The following PRMT9 variants were observed in gnomAD, a reference collection of about 807,000 sequenced individuals.
PRMT9 encodes protein arginine methyltransferase 9, also known as protein arginine N-methyltransferase 9.
PRMT9 carries 59 observed loss-of-function variants against 83.2 expected under a neutral mutation model. That is an observed-to-expected ratio of 0.71 (90% CI 0.57 to 0.88). PRMT9 has a LOEUF of 0.88. Ranked by LOEUF, PRMT9 falls within the 40% of genes least tolerant of loss-of-function variation. PRMT9 has a pLI of 0.00. For synonymous variants in PRMT9, 333 were observed against 353.2 expected (o/e 0.94, Z 0.64); for missense variants, 947 against 1,021.9 (o/e 0.93, Z 1.00).
Position 147,650,972 on chromosome 4 carries a change from T to G in PRMT9, c.2045+2880A>C, listed in dbSNP as rs563182129. 3.2e-3 allele frequency among the ~76,000 whole-genome samples: 482 copies of G among 152,150 alleles called. 1 individual carries two copies. Among genetic ancestry groups the G allele is most frequent in the Non-Finnish European group, 5.4e-3 (370 of 67,966 alleles). ...AAAAAATTAGCCAGCTGTGGTGGCA[T>G]GCGCCTGTAGTCCCAGCTACTCGGG... On this transcript the variant is annotated intron_variant, in intron 9 of 11. Transcript: ENST00000322396.
chr4:147,676,199 A>G (rs1736058082), intron 2 of PRMT9, among the ~76,000 whole-genome samples: 1 of 152,210 alleles, frequency 6.6e-6, no homozygotes, highest in Non-Finnish European at 1.5e-5. Context: ...TCCTACAACA[A>G]CAGGTCACCA....
At chr4:147,665,003 C>T (rs1323764337) in intron 6 of PRMT9, among the ~76,000 whole-genome samples, 3 of 151,736 alleles carry the variant, frequency 2.0e-5, no homozygotes, top group African/African-American at 7.3e-5. Context: ...TGCCTGTAAT[C>T]CCAGCTACTT....
At chr4:147,642,741 G>A (rs756026384) in intron 10 of PRMT9, 46 bp downstream of exon 10, 1 of 1,517,028 alleles carries the variant, frequency 6.6e-7, no homozygotes, top group Non-Finnish European at 9.2e-7. Context: ...AGCGATGGTA[G>A]ACTGTTCAAC....
chr4:147,673,026 C>T lies in PRMT9; in HGVS notation c.676G>A (p.Glu226Lys), dbSNP rs73853975. The T allele has an allele frequency of 7.4e-3, 11,978 of 1,613,894 alleles. 797 individuals are homozygous for T. In the African/African-American group the frequency reaches 0.14, roughly 19 times the overall value. ...ACDVVAANKM[E>K]AGIKLLHTKS... ...GTATGTAAGAGTTTGATCCCTGCTT[C>T]CATCTTGTTTGCTGCCACGACATCA... Residue 226 changes from glutamate to lysine, a missense_variant, in exon 4 of 12, where the codon GAA (glutamate) becomes AAA (lysine). Glu to Lys is a moderately conservative substitution (Grantham distance 56, BLOSUM62 1). Transcript: ENST00000322396.
chr4:147,682,367 C>T (rs1578949867), intron 1 of PRMT9, among the ~76,000 whole-genome samples: 1 of 152,248 alleles, frequency 6.6e-6, no homozygotes, highest in African/African-American at 2.4e-5. Flanking sequence ...TTAGTAGAGA[C>T]GGGGTTTCTC....
Position 147,638,642 on chromosome 4 carries a change from T to C in PRMT9, c.2428A>G (p.Lys810Glu). The change falls in exon 12 of 12, where the codon AAA (lysine) becomes GAA (glutamate). Residue 810 changes from lysine to glutamate, a missense_variant. Coordinates refer to ENST00000322396, the MANE Select transcript of PRMT9 (RefSeq NM_138364.4). ...LDTSSEASHW[K>E]QAAVVLDNPI... ...TTATCTAAAACAACTGCAGCTTGTT[T>C]CCAGTGGGAGGCTTCACTTGAAGTA... is the stretch of plus-strand genomic sequence containing the variant. 6.2e-7 allele frequency: 1 copy of C among 1,613,858 alleles called. No homozygotes were observed. The highest frequency in any genetic ancestry group is 8.5e-7 in the Non-Finnish European group (1 of 1,179,808).
chr4:147,662,977 A>G (rs1263704707), intron 6 of PRMT9, among the ~76,000 whole-genome samples: 1 of 152,058 alleles, frequency 6.6e-6, no homozygotes, highest in Admixed American at 6.6e-5. Context: ...TTACACTCTC[A>G]AAAGATGAAT....
intron 1 of PRMT9, among the ~76,000 whole-genome samples, chr4:147,683,406 G>C (rs1736630618): frequency 6.6e-6 from 1 of 152,224 alleles, no homozygotes; most frequent in Non-Finnish European, 1.5e-5. Context: ...AGAGCCGACT[G>C]CAACAGCCGG....
At chr4:147,661,156 G>T in intron 6 of PRMT9, 118 bp from the exon 7 acceptor site, 2 of 709,058 alleles carry the variant, frequency 2.8e-6, no homozygotes, top group Non-Finnish European at 5.0e-6. Context: ...CATGAGCAAA[G>T]ATTTCTTAAA....
At chr4:147,645,441 A>G (rs1733667726) in intron 9 of PRMT9, among the ~76,000 whole-genome samples, 1 of 152,196 alleles carries the variant, frequency 6.6e-6, no homozygotes, top group Non-Finnish European at 1.5e-5. Flanking sequence ...GAAAATTTTA[A>G]TATGCACTAT....
At chr4:147,644,058 A>G (rs905269453) in intron 9 of PRMT9, among the ~76,000 whole-genome samples, 3 of 152,206 alleles carry the variant, frequency 2.0e-5, no homozygotes, top group Non-Finnish European at 2.9e-5. Context: ...TGAAATCTGG[A>G]TAAGATTTGT....
intron 9 of PRMT9, among the ~76,000 whole-genome samples, chr4:147,650,220 G>A (rs1287603592): frequency 1.3e-5 from 2 of 152,150 alleles, no homozygotes; most frequent in Non-Finnish European, 2.9e-5. Flanking sequence ...AAATTGGAAA[G>A]GAAGAAGTAT....
intron 6 of PRMT9, 140 bp downstream of exon 6, chr4:147,668,399 T>C (rs961253020): frequency 1.5e-6 from 1 of 667,762 alleles, no homozygotes. Context: ...CGTGCCTGCT[T>C]CCCCTTCTGC....
intron 9 of PRMT9, among the ~76,000 whole-genome samples, chr4:147,643,286 C>CA (rs994174633): frequency 8.7e-5 from 13 of 150,024 alleles, no homozygotes; most frequent in East Asian, 2.0e-4. Flanking sequence ...TAAAATAAAA[C>CA]AAAAAAAAAC....
At chr4:147,646,792 TCCCACATGAATGC>T (rs1178090813) in intron 9 of PRMT9, among the ~76,000 whole-genome samples, 2 of 152,066 alleles carry the variant, frequency 1.3e-5, no homozygotes, top group African/African-American at 4.8e-5. Context: ...AAAAGCTCAG[TCCCACATGAATGC>T]CCCCAGTTCT....
intron 9 of PRMT9, among the ~76,000 whole-genome samples, chr4:147,646,700 C>A (rs974069434): frequency 6.6e-6 from 1 of 151,898 alleles, no homozygotes; most frequent in African/African-American, 2.4e-5. Flanking sequence ...GTTCCCACCC[C>A]AAAAAAATTC....
chr4:147,683,710 AG>A (rs1340966341), intron 1 of PRMT9, 88 bp downstream of exon 1: 16 of 1,324,292 alleles, frequency 1.2e-5, no homozygotes, highest in Admixed American at 1.8e-5. Context: ...CAGGCACCCT[AG>A]CCCCTCCGCT....
intron 6 of PRMT9, among the ~76,000 whole-genome samples, chr4:147,663,299 C>T (rs1022376618): frequency 2.6e-5 from 4 of 151,988 alleles, no homozygotes; most frequent in Non-Finnish European, 5.9e-5. Context: ...TGAACCACCG[C>T]GCCCAGCCTA....
At chr4:147,671,025 C>G (rs1188724126) in intron 4 of PRMT9, among the ~76,000 whole-genome samples, 1 of 152,038 alleles carries the variant, frequency 6.6e-6, no homozygotes, top group East Asian at 1.9e-4. Flanking sequence ...TGTTCTCTCT[C>G]CAGGCTATTT....
Sources: gnomAD v4.1 joint callset for allele counts (sites outside exome capture counted in the v4.1 genomes callset) on GRCh38, gnomAD v4.1.1 for gene constraint, MANE v1.5 for transcripts, NCBI Gene and HGNC (gene_info 2026-07-23, HGNC 2026-07-21) for gene names.